MMRN1: variants seen among roughly 807,000 people sequenced by gnomAD.
MMRN1 encodes multimerin 1.
MMRN1 carries 94 observed loss-of-function variants against 100.7 expected under a neutral mutation model. That is an observed-to-expected ratio of 0.93 (90% confidence interval 0.79 to 1.11). The LOEUF (loss-of-function observed/expected upper bound fraction) is 1.11. MMRN1 is among the 50% of genes least tolerant of loss of function. The pLI is 0.00. For synonymous variants in MMRN1, 575 were observed against 505.0 expected, an observed-to-expected ratio of 1.14 and a Z score of -1.86; for missense variants, 1,606 against 1,439.1, an observed-to-expected ratio of 1.12 and a Z score of -1.88.
intron 6 of MMRN1, among the ~76,000 whole-genome samples, chr4:89,948,929 G>A (rs1723074027): frequency 6.6e-6 from 1 of 152,166 alleles, no homozygotes; most frequent in African/African-American, 2.4e-5. Context: ...TGTAACAGTA[G>A]TAGTAGATGC....
chr4:89,954,302 T>G lies in MMRN1; in HGVS notation c.*884T>G, dbSNP rs2110663125. The G allele has an allele frequency of 6.6e-6, 1 of 152,202 alleles. No individual in the cohort carries two copies. The allele number at this position is 152,202 out of a possible 1,614,324, so 9.4% of individuals were successfully genotyped here. A position where few individuals can be genotyped will look rare whatever the true frequency, so the allele number is the denominator to read the frequency against. ...ATAACCCTTGTAAAGTGGGCATGATTACCATGATTTTTATAGTTGAAGAAC... is the reference window on the plus strand; with the variant it reads ...ATAACCCTTGTAAAGTGGGCATGATGACCATGATTTTTATAGTTGAAGAAC... On this transcript the variant is annotated 3_prime_UTR_variant, in exon 8 of 8. Transcript: ENST00000264790.
chr4:89,943,892 G>A (rs1722908398), intron 6 of MMRN1, among the ~76,000 whole-genome samples: 1 of 151,726 alleles, frequency 6.6e-6, no homozygotes, highest in Non-Finnish European at 1.5e-5. Context: ...TGAGGCAGGA[G>A]AATATCTTGA....
Position 89,953,053 on chromosome 4 carries a change from A to T in MMRN1, c.3322A>T (p.Thr1108Ser), listed in dbSNP as rs1348177918. The T allele has an allele frequency of 6.2e-7, 1 of 1,613,404 alleles. No homozygotes were observed. The change falls in exon 8 of 8, where the codon ACG (threonine) becomes TCG (serine). Residue 1108 changes from threonine to serine, a missense_variant. Coordinates refer to ENST00000264790, the MANE Select transcript of MMRN1 (RefSeq NM_007351.3). The part of the protein sequence containing the change: ...APMVAFFASH[T>S]YGMTIPGPIL... ...CATGGTGGCATTTTTTGCATCTCAT[A>T]CGTATGGAATGACTATACCTGGTCC...
intron 2 of MMRN1, among the ~76,000 whole-genome samples, chr4:89,910,516 T>G (rs1241989375): frequency 6.6e-6 from 1 of 151,412 alleles, no homozygotes; most frequent in African/African-American, 2.4e-5. Flanking sequence ...AATTGCCACT[T>G]TTTCTTTTAT....
In MMRN1 at chr4:89,954,085, C is replaced by T. The variant is rs1723270789; in HGVS notation, c.*667C>T. 1 of 152,032 alleles carries T rather than the reference C, an allele frequency of 6.6e-6. No homozygotes were observed. Among genetic ancestry groups the T allele is most frequent in the East Asian group, 1.9e-4 (1 of 5,198 alleles). 9.4% of individuals were successfully genotyped at this position (152,032 alleles called of 1,614,324 possible). On this transcript the variant is annotated 3_prime_UTR_variant, in exon 8 of 8. Transcript: ENST00000264790. ...ATATATGAGTGGATCATTTACCGCCCCCCGCCCCACAACATCTATAAGGGG... is the reference window on the plus strand; with the variant it reads ...ATATATGAGTGGATCATTTACCGCCTCCCGCCCCACAACATCTATAAGGGG...
intron 1 of MMRN1, among the ~76,000 whole-genome samples, chr4:89,908,273 C>A (rs1258592316): frequency 2.0e-5 from 3 of 151,370 alleles, no homozygotes; most frequent in South Asian, 2.1e-4. Context: ...AAAACTGTTG[C>A]TTTATACATC....
chr4:89,916,319 A>G (rs1721914171), intron 3 of MMRN1, among the ~76,000 whole-genome samples: 1 of 150,660 alleles, frequency 6.6e-6, no homozygotes, highest in African/African-American at 2.4e-5. Context: ...GATGCTTAAT[A>G]GTTGTTTCTT....
At chr4:89,938,068 AT>A (rs1368764952) in intron 6 of MMRN1, among the ~76,000 whole-genome samples, 1 of 151,922 alleles carries the variant, frequency 6.6e-6, no homozygotes, top group Non-Finnish European at 1.5e-5. Flanking sequence ...TTTGTACTTT[AT>A]TTCTTTTTAA....
intron 6 of MMRN1, among the ~76,000 whole-genome samples, chr4:89,939,599 A>C (rs565780771): frequency 6.6e-6 from 1 of 152,214 alleles, no homozygotes; most frequent in South Asian, 2.1e-4. Flanking sequence ...TATCCTGCCT[A>C]AGGTCATTCA....
chr4:89,941,445 C>G (rs1351146933), intron 6 of MMRN1, among the ~76,000 whole-genome samples: 9 of 152,118 alleles, frequency 5.9e-5, no homozygotes. Flanking sequence ...TTTCTAGTCA[C>G]ACACACATAC....
chr4:89,905,288 A>G (rs1452817440), intron 1 of MMRN1, among the ~76,000 whole-genome samples: 2 of 151,504 alleles, frequency 1.3e-5, no homozygotes, highest in Non-Finnish European at 3.0e-5. Flanking sequence ...ATTTTCATGC[A>G]ATAATAATCT....
Position 89,923,238 on chromosome 4 carries a change from T to G in MMRN1, c.921T>G (p.Ala307=), listed in dbSNP as rs1474289029. ...ESHTAVGRGV[A]EQQQQQGCGD... is the part of the protein sequence containing the mutation. Reference sequence around the variant, plus strand: ...ATACAGCTGTTGGCAGAGGAGTAGCTGAGCAGCAGCAGCAGCAAGGCTGTG... The same window carrying G: ...ATACAGCTGTTGGCAGAGGAGTAGCGGAGCAGCAGCAGCAGCAAGGCTGTG... The change falls in exon 4 of 8, where the codon GCT becomes GCG. Residue 307 remains alanine (A), a synonymous_variant. Transcript: ENST00000264790. The G allele has an allele frequency of 1.2e-6, 2 of 1,613,866 alleles. No homozygotes were observed. The highest frequency in any genetic ancestry group is 2.7e-5 in the African/African-American group (2 of 74,934).
At chr4:89,905,153 C>T (rs1382177746) in intron 1 of MMRN1, among the ~76,000 whole-genome samples, 1 of 151,458 alleles carries the variant, frequency 6.6e-6, no homozygotes, top group Non-Finnish European at 1.5e-5. Flanking sequence ...TCCCACTTAT[C>T]ACTGAATTGG....
chr4:89,903,897 G>GAA (rs71596503), intron 1 of MMRN1, among the ~76,000 whole-genome samples: 41,079 of 126,932 alleles, frequency 0.32, 7,453 homozygotes, highest in Non-Finnish European at 0.42. Context: ...TTCAGGATTA[G>GAA]AAAAAAAAAA....
intron 6 of MMRN1, among the ~76,000 whole-genome samples, chr4:89,944,637 T>C (rs1019445579): frequency 1.3e-5 from 2 of 152,172 alleles, no homozygotes; most frequent in African/African-American, 4.8e-5. Flanking sequence ...TTAAGACGGC[T>C]ATAATCATCT....
At chr4:89,934,767 CAT>C in intron 5 of MMRN1, 41 bp from the exon 6 acceptor site, 1 of 1,147,808 alleles carries the variant, frequency 8.7e-7, no homozygotes, top group Non-Finnish European at 1.2e-6. Flanking sequence ...CTTAAAGTCT[CAT>C]ATAATTAAAA....
chr4:89,902,950 C>T (rs1198882903), intron 1 of MMRN1, among the ~76,000 whole-genome samples: 1 of 151,722 alleles, frequency 6.6e-6, no homozygotes, highest in Non-Finnish European at 1.5e-5. Context: ...AATAAAAGAA[C>T]CACAAACATA....
In MMRN1 at chr4:89,895,465, TTGGAGGCGTTGGAGGCAC is replaced by T; in HGVS notation, c.504_521del (p.Gly170_Gly175del). On this transcript the variant is annotated inframe_deletion, in exon 1 of 8. Transcript: ENST00000264790. The stretch of plus-strand genomic sequence containing the variant: ...AACACAGTTGGAGGCACTGGAGGCA[TTGGAGGCGTTGGAGGCAC>T]TGGAGGCGTGGGAAATCGAGCCCCA... The T allele has an allele frequency of 1.9e-6, 3 of 1,613,560 alleles. No individual in the cohort carries two copies. Among genetic ancestry groups the T allele is most frequent in the South Asian group, 2.2e-5 (2 of 91,028 alleles).
chr4:89,943,688 C>G (rs1578502691), intron 6 of MMRN1, among the ~76,000 whole-genome samples: 1 of 152,140 alleles, frequency 6.6e-6, no homozygotes, highest in East Asian at 1.9e-4. Context: ...ATTTTTTGTT[C>G]TAGAAGAATT....
Sources: allele counts gnomAD v4.1 joint callset (sites outside exome capture counted in the v4.1 genomes callset), GRCh38; gene constraint gnomAD v4.1.1; transcripts MANE v1.5; gene names NCBI Gene and HGNC (gene_info 2026-07-23, HGNC 2026-07-21).